GDPGP1: variants seen among roughly 807,000 people sequenced by gnomAD.
The protein encoded by GDPGP1 is GDP-D-glucose phosphorylase C15orf58.
GDPGP1 carries 18 observed loss-of-function variants against 19.2 expected under a neutral mutation model. The ratio of observed to expected loss-of-function variants is 0.94; its 90% CI spans 0.65 to 1.39. GDPGP1 has a LOEUF of 1.39. Among genes scored for constraint, GDPGP1 ranks in the 40% most tolerant of loss-of-function variants. GDPGP1 has a pLI of 0.00. For missense variants in GDPGP1, 449 were observed against 490.5 expected, an observed-to-expected ratio of 0.92 and a Z score of 0.80; for synonymous variants, 219 against 208.9, an observed-to-expected ratio of 1.05 and a Z score of -0.42.
Position 90,242,127 on chromosome 15 carries a change from C to A in GDPGP1, c.*61C>A. 1 of 1,377,714 alleles carries A rather than the reference C, an allele frequency of 7.3e-7. No homozygotes were observed. Among genetic ancestry groups the A allele is most frequent in the Non-Finnish European group, 9.9e-7 (1 of 1,009,498 alleles). 85.3% of individuals were successfully genotyped at this position (1,377,714 alleles called of 1,614,324 possible). On this transcript the variant is annotated 3_prime_UTR_variant, in exon 4 of 4. Transcript: ENST00000329600. ...CTTTTGAGATAGGGTCTCACTCTGT[C>A]CCCAGGCTAGAGTGTAGTGGTATGA...
At chr15:90,237,761 G>A (rs1020891672) in intron 2 of GDPGP1, among the ~76,000 whole-genome samples, 5 of 148,554 alleles carry the variant, frequency 3.4e-5, no homozygotes, top group African/African-American at 7.5e-5. Context: ...AAATTTTTTC[G>A]CCTGTCAGAT....
At chr15:90,240,515 T>A (rs898293525) in intron 3 of GDPGP1, among the ~76,000 whole-genome samples, 4 of 137,598 alleles carry the variant, frequency 2.9e-5, no homozygotes, top group Non-Finnish European at 4.7e-5. Context: ...CTCAAAAAAA[T>A]AAAAATAAAT....
rs749051346 is a variant in GDPGP1 at position 90,241,451 on chromosome 15, G to C, written c.543G>C (p.Leu181=). The part of the protein sequence containing the change: ...PEPARQLPQR[L]LPGALRAGIE... ...CTGCCCGCCAGCTCCCCCAGCGCCTGCTGCCGGGTGCACTGAGGGCAGGGA... is the reference window on the plus strand; with the variant it reads ...CTGCCCGCCAGCTCCCCCAGCGCCTCCTGCCGGGTGCACTGAGGGCAGGGA... Residue 181 remains leucine, a synonymous_variant, in exon 4 of 4, where the codon CTG becomes CTC. Transcript: ENST00000329600. 1.1e-5 allele frequency: 17 copies of C among 1,613,430 alleles called. No homozygotes were observed. In the East Asian group the frequency reaches 3.6e-4, roughly 34 times the overall value.
chr15:90,237,819 G>A (rs1962668047), intron 2 of GDPGP1, among the ~76,000 whole-genome samples: 1 of 152,030 alleles, frequency 6.6e-6, no homozygotes, highest in East Asian at 1.9e-4. Context: ...CAGGCCTGGT[G>A]CAAGTGCCTG....
intron 3 of GDPGP1, among the ~76,000 whole-genome samples, chr15:90,240,561 C>G (rs1962730266): frequency 6.6e-6 from 1 of 151,638 alleles, no homozygotes; most frequent in Non-Finnish European, 1.5e-5. Context: ...GCCTGTAATC[C>G]CAGCACTTTG....
Position 90,241,502 on chromosome 15 carries a change from C to T in GDPGP1, c.594C>T (p.His198=), listed in dbSNP as rs140605827. The T allele has an allele frequency of 3.4e-4, 547 of 1,613,812 alleles. 3 individuals are homozygous for T. The African/African-American group carries it at 6.6e-3, about 20-fold the overall frequency. Residue 198 remains histidine (H), a synonymous_variant, in exon 4 of 4, where the codon CAC becomes CAT. Coordinates refer to ENST00000329600, the MANE Select transcript of GDPGP1 (RefSeq NM_001013657.3). Reference sequence around the variant, plus strand: ...TTGAGGCTGTGCTGCTGAGCTTACACCCGGGCTTCCGTGTCGGCTTCAACA... The same window carrying T: ...TTGAGGCTGTGCTGCTGAGCTTACATCCGGGCTTCCGTGTCGGCTTCAACA... ...AGIEAVLLSL[H]PGFRVGFNSL... is the part of the protein sequence containing the mutation.
Position 90,241,905 on chromosome 15 carries a change from T to C in GDPGP1, c.997T>C (p.Cys333Arg). The C allele has an allele frequency of 2.5e-6, 4 of 1,614,148 alleles. No individual in the cohort carries two copies. Among genetic ancestry groups the C allele is most frequent in the Non-Finnish European group, 3.4e-6 (4 of 1,180,014 alleles). Residue 333 changes from cysteine to arginine, a missense_variant, in exon 4 of 4, where the codon TGT (cysteine) becomes CGT (arginine). Physicochemically the swap from Cys to Arg is radical, Grantham distance 180. Transcript: ENST00000329600. Reference protein sequence around the residue: ...KDGEAFNVALCELAGHLPVKT... With the variant: ...KDGEAFNVALRELAGHLPVKT... Reference sequence around the variant, plus strand: ...CGGTGAAGCTTTCAATGTTGCCCTCTGTGAGCTGGCTGGGCACCTCCCTGT... The same window carrying C: ...CGGTGAAGCTTTCAATGTTGCCCTCCGTGAGCTGGCTGGGCACCTCCCTGT...
intron 2 of GDPGP1, among the ~76,000 whole-genome samples, chr15:90,235,645 G>A (rs981263696): frequency 6.6e-6 from 1 of 151,792 alleles, no homozygotes; most frequent in Non-Finnish European, 1.5e-5. Context: ...TTGGCTCACT[G>A]CAAGCTCCGC....
chr15:90,241,803 A>G lies in GDPGP1; in HGVS notation c.895A>G (p.Lys299Glu), dbSNP rs1485447850. 6.2e-7 allele frequency: 1 copy of G among 1,614,230 alleles called. No homozygotes were observed. The highest frequency in any genetic ancestry group is 1.1e-5 in the South Asian group (1 of 91,084). ...LFVTRGAPPG[K>E]TSPSSALTGV... ...TGTCACCCGGGGAGCTCCGCCGGGA[A>G]AGACATCACCTTCCTCAGCCCTCAC... Residue 299 changes from lysine (K) to glutamate (E), a missense_variant, in exon 4 of 4, where the codon AAG becomes GAG. Transcript: ENST00000329600.
At chr15:90,237,301 G>C (rs1182882325) in intron 2 of GDPGP1, among the ~76,000 whole-genome samples, 1 of 23,326 alleles carries the variant, frequency 4.3e-5, no homozygotes, top group East Asian at 1.5e-3. Context: ...TTTTTTTTTT[G>C]AGATGGAGTC....
rs1180784796 is a variant in GDPGP1, at chr15:90,241,583, C to G, written c.675C>G (p.Ala225=). Residue 225 remains alanine, a synonymous_variant, in exon 4 of 4, where the codon GCC becomes GCG. Transcript: ENST00000329600. ...NHLHLHGYYL[A]HRLPVEQAPS... ...TCCACCTGCATGGCTATTACCTGGC[C>G]CACAGACTGCCCGTGGAGCAGGCGC... 6.2e-7 allele frequency: 1 copy of G among 1,613,468 alleles called. No individual in the cohort carries two copies.
rs3029932 is a variant in GDPGP1 at position 90,243,640 on chromosome 15, G to GTTTTTTTT, written c.*1597_*1604dup. ...AAGATGCCACCACACCTTGGTGCAG[G>GTTTTTTTT]TTTTTTTTTTTTTTTTTTTTTTTTT... On this transcript the variant is annotated 3_prime_UTR_variant, in exon 4 of 4. Transcript: ENST00000329600. The GTTTTTTTT allele has an allele frequency of 1.0e-5, 1 of 99,408 alleles. No individual in the cohort carries two copies. Among genetic ancestry groups the GTTTTTTTT allele is most frequent in the African/African-American group, 3.8e-5 (1 of 26,564 alleles). 6.2% of individuals were successfully genotyped at this position (99,408 alleles called of 1,614,324 possible).
In GDPGP1 at chr15:90,240,179, C is replaced by T. The variant is rs758364010; in HGVS notation, c.-9-721C>T. 7.3e-5 allele frequency among the ~76,000 whole-genome samples: 11 copies of T among 151,376 alleles called. No individual in the cohort carries two copies. The South Asian group carries it at 8.4e-4, about 12-fold the overall frequency. On this transcript the variant is annotated intron_variant, in intron 3 of 3. Coordinates refer to ENST00000329600, the MANE Select transcript of GDPGP1 (RefSeq NM_001013657.3). Reference sequence around the variant, plus strand: ...TAGAGGTTGCAGTGAGCCAAGATAGCGCCATTGCACTCCAGCCTGGGTGAC... The same window carrying T: ...TAGAGGTTGCAGTGAGCCAAGATAGTGCCATTGCACTCCAGCCTGGGTGAC...
chr15:90,244,024 T>C lies in GDPGP1; in HGVS notation c.*1958T>C, dbSNP rs1962819857. On this transcript the variant is annotated 3_prime_UTR_variant, in exon 4 of 4. Coordinates refer to ENST00000329600, the MANE Select transcript of GDPGP1 (RefSeq NM_001013657.3). ...AGTGGTGTGATCTCGGCTCACTGCG[T>C]CTCTGCCTCCTGGGTTCAAGCAATT... The C allele has an allele frequency of 6.6e-6, 1 of 151,018 alleles. No homozygotes were observed. Among genetic ancestry groups the C allele is most frequent in the Middle Eastern group, 3.1e-3 (1 of 318 alleles). The allele number at this position is 151,018 out of a possible 1,614,324, so 9.4% of individuals were successfully genotyped here.
chr15:90,238,776 A>G (rs1295422358), intron 3 of GDPGP1, among the ~76,000 whole-genome samples: 1 of 152,186 alleles, frequency 6.6e-6, no homozygotes, highest in African/African-American at 2.4e-5. Context: ...TTTTCCCACA[A>G]AAGAAGTGGT....
chr15:90,244,440 C>T lies in GDPGP1; in HGVS notation c.*2374C>T, dbSNP rs1338051317. 6.6e-6 allele frequency: 1 copy of T among 152,206 alleles called. No individual in the cohort carries two copies. The highest frequency in any genetic ancestry group is 1.9e-4 in the East Asian group (1 of 5,200). The allele number at this position is 152,206 out of a possible 1,614,324, so 9.4% of individuals were successfully genotyped here. ...ACATTTCACACTGGTTCCAGAGGAACTAGTCAGTAGACACTATTCTAAGAG... is the reference window on the plus strand; with the variant it reads ...ACATTTCACACTGGTTCCAGAGGAATTAGTCAGTAGACACTATTCTAAGAG... On this transcript the variant is annotated 3_prime_UTR_variant, in exon 4 of 4. Transcript: ENST00000329600.
chr15:90,239,824 C>G (rs988299622), intron 3 of GDPGP1, among the ~76,000 whole-genome samples: 2 of 152,194 alleles, frequency 1.3e-5, no homozygotes, highest in Non-Finnish European at 2.9e-5. Context: ...ACTTGGGATG[C>G]TGAGGTGAAA....
intron 2 of GDPGP1, among the ~76,000 whole-genome samples, chr15:90,235,606 C>T (rs746184260): frequency 1.3e-5 from 2 of 151,860 alleles, no homozygotes; most frequent in African/African-American, 2.4e-5. Context: ...CTCGCTGTGT[C>T]GCCTAGGCTG....
rs1323072678 is a variant in GDPGP1 at position 90,243,629 on chromosome 15, C to A, written c.*1563C>A. ...CCCAGAGTGCTAAGATGCCACCACA[C>A]CTTGGTGCAGGTTTTTTTTTTTTTT... is the stretch of plus-strand genomic sequence containing the variant. On this transcript the variant is annotated 3_prime_UTR_variant, in exon 4 of 4. Coordinates refer to ENST00000329600, the MANE Select transcript of GDPGP1 (RefSeq NM_001013657.3). 3.5e-5 allele frequency: 5 copies of A among 142,922 alleles called. No homozygotes were observed. The highest frequency in any genetic ancestry group is 6.0e-5 in the Non-Finnish European group (4 of 66,614). The allele number at this position is 142,922 out of a possible 1,614,324, so 8.9% of individuals were successfully genotyped here. A position where few individuals can be genotyped will look rare whatever the true frequency, so the allele number is the denominator to read the frequency against.
Sources: gnomAD v4.1 joint callset for allele counts (sites outside exome capture counted in the v4.1 genomes callset) on GRCh38, gnomAD v4.1.1 for gene constraint, MANE v1.5 for transcripts, NCBI Gene and HGNC (gene_info 2026-07-23, HGNC 2026-07-21) for gene names.